The following FHOD3 variants were observed in gnomAD, a reference collection of about 807,000 sequenced individuals.
FHOD3 encodes the protein FH1/FH2 domain-containing protein 3.
In FHOD3, 90 loss-of-function variants were observed where a neutral mutation model predicts 173.0. That is an observed-to-expected ratio of 0.52 (90% confidence interval 0.44 to 0.62). FHOD3 has a LOEUF of 0.62. Among genes scored for constraint, FHOD3 ranks in the 20% least tolerant of loss-of-function variants. The probability of loss-of-function intolerance (pLI) is 0.00; values close to 1 mark genes in which losing one functional copy is unlikely to be tolerated. For missense variants in FHOD3, 1,945 were observed against 2,034.7 expected, an observed-to-expected ratio of 0.96 and a Z score of 0.85; for synonymous variants, 828 against 823.0, an observed-to-expected ratio of 1.01 and a Z score of -0.10.
rs372708672 is a variant in FHOD3, at chr18:36,742,891, C to T, written c.3879+35C>T. 7.5e-6 allele frequency: 12 copies of T among 1,593,390 alleles called. No individual in the cohort carries two copies. In the Admixed American group the frequency reaches 1.2e-4, roughly 17 times the overall value. ...CCCCATCCCTCATCCTGTAGCCCCCCCTTGTCACAAAATCCCTGCCCAGCA... is the reference window on the plus strand; with the variant it reads ...CCCCATCCCTCATCCTGTAGCCCCCTCTTGTCACAAAATCCCTGCCCAGCA... On this transcript the variant is annotated intron_variant, in intron 22 of 28. Coordinates refer to ENST00000590592, the MANE Select transcript of FHOD3 (RefSeq NM_001281740.3).
rs1014686522 is a variant in FHOD3, at chr18:36,318,550, T to C, written c.165+20550T>C. Among the ~76,000 whole-genome samples the C allele has an allele frequency of 2.6e-5, 4 of 152,362 alleles. No individual in the cohort carries two copies. In the East Asian group the frequency reaches 7.7e-4, roughly 29 times the overall value. On this transcript the variant is annotated intron_variant, in intron 1 of 28. Transcript: ENST00000590592. ...TTTGTCTATTGTTGGTGTATAGGAA[T>C]GCTTGTGAATTTTGCACATTGATTT...
chr18:36,405,811 A>C (rs2049027429), intron 3 of FHOD3, among the ~76,000 whole-genome samples: 1 of 152,212 alleles, frequency 6.6e-6, no homozygotes, highest in Non-Finnish European at 1.5e-5. Context: ...TGTAAGGTTC[A>C]TGTATACTGG....
intron 5 of FHOD3, among the ~76,000 whole-genome samples, chr18:36,548,596 C>T (rs1417110382): frequency 6.6e-6 from 1 of 152,182 alleles, no homozygotes; most frequent in Admixed American, 6.5e-5. Context: ...CCCAATGCCA[C>T]CCATCCCTTC....
intron 2 of FHOD3, among the ~76,000 whole-genome samples, chr18:36,372,368 G>C (rs1475140110): frequency 1.3e-5 from 2 of 152,130 alleles, no homozygotes; most frequent in Non-Finnish European, 2.9e-5. Context: ...TTCACTTCAT[G>C]GACACAGATT....
intron 24 of FHOD3, among the ~76,000 whole-genome samples, chr18:36,747,490 CTT>C (rs1450370498): frequency 1.3e-5 from 2 of 152,240 alleles, no homozygotes; most frequent in African/African-American, 4.8e-5. Context: ...AGGCAGCTCT[CTT>C]TGTTAGAAAA....
intron 1 of FHOD3, among the ~76,000 whole-genome samples, chr18:36,300,628 G>A (rs112603062): frequency 7.9e-5 from 12 of 152,160 alleles, no homozygotes; most frequent in East Asian, 1.9e-4. Context: ...TGCAGCGAGC[G>A]CATTCTCAGT....
chr18:36,496,355 C>A (rs1380627036), intron 3 of FHOD3, among the ~76,000 whole-genome samples: 1 of 152,160 alleles, frequency 6.6e-6, no homozygotes, highest in Non-Finnish European at 1.5e-5. Context: ...CCTCTTCTAC[C>A]AGCAGAAATT....
intron 3 of FHOD3, among the ~76,000 whole-genome samples, chr18:36,404,716 G>A (rs1313115395): frequency 6.6e-6 from 1 of 152,132 alleles, no homozygotes; most frequent in Non-Finnish European, 1.5e-5. Context: ...GGGGCTCAAG[G>A]GAAATGCACT....
chr18:36,533,216 A>T (rs1213645285), intron 5 of FHOD3, among the ~76,000 whole-genome samples: 1 of 152,266 alleles, frequency 6.6e-6, no homozygotes, highest in Non-Finnish European at 1.5e-5. Context: ...CTCATCTGCA[A>T]ACCAGGCATG....
intron 16 of FHOD3, among the ~76,000 whole-genome samples, chr18:36,691,592 G>C (rs866885848): frequency 6.6e-6 from 1 of 151,868 alleles, no homozygotes; most frequent in East Asian, 1.9e-4. Context: ...TCCTTTTGTT[G>C]CCTCTCTTAC....
Position 36,297,799 on chromosome 18 carries a change from AACCC to A in FHOD3, c.-36_-33del. 6.8e-7 allele frequency: 1 copy of A among 1,470,468 alleles called. No homozygotes were observed. Among genetic ancestry groups the A allele is most frequent in the Non-Finnish European group, 9.0e-7 (1 of 1,106,230 alleles). The allele number at this position is 1,470,468 out of a possible 1,614,324, so 91.1% of individuals were successfully genotyped here. A position where few individuals can be genotyped will look rare whatever the true frequency, so the allele number is the denominator to read the frequency against. On this transcript the variant is annotated 5_prime_UTR_variant, in exon 1 of 29. Transcript: ENST00000590592. ...GGGCGTCCCGGCCCGCGGCCCCGCT[AACCC>A]CGGGGCCCGCGCCCCCGCGGCAGGG...
chr18:36,626,308 T>G (rs1293492796), intron 10 of FHOD3, among the ~76,000 whole-genome samples: 1 of 152,224 alleles, frequency 6.6e-6, no homozygotes, highest in Non-Finnish European at 1.5e-5. Context: ...GCCATGAAGA[T>G]ACATAAATAG....
At chr18:36,486,741 T>C (rs914327850) in intron 3 of FHOD3, among the ~76,000 whole-genome samples, 2 of 152,232 alleles carry the variant, frequency 1.3e-5, no homozygotes, top group Non-Finnish European at 2.9e-5. Flanking sequence ...GTTCACCTTT[T>C]GACAACTATA....
At chr18:36,512,136 G>C (rs1163358688) in intron 4 of FHOD3, among the ~76,000 whole-genome samples, 1 of 152,222 alleles carries the variant, frequency 6.6e-6, no homozygotes, top group Admixed American at 6.5e-5. Flanking sequence ...AGTAGAGCCT[G>C]GTGTTTCTTG....
intron 6 of FHOD3, among the ~76,000 whole-genome samples, chr18:36,579,000 T>C (rs1195674661): frequency 6.6e-6 from 1 of 152,210 alleles, no homozygotes; most frequent in Non-Finnish European, 1.5e-5. Context: ...GTGACTCTGT[T>C]TTGAAACTGA....
rs894865057 is a variant in FHOD3 at position 36,297,911 on chromosome 18, A to C, written c.76A>C (p.Ser26Arg). ...CAACAGCACCAACTTCCCCGAGCCC[A>C]GCCGGCCGCCGCTGTTCACGTTCCG... ...PFNSTNFPEP[S>R]RPPLFTFRED... The change falls in exon 1 of 29, where the codon AGC becomes CGC. Residue 26 changes from serine to arginine, a missense_variant. Transcript: ENST00000590592. 4 of 1,559,180 alleles carry C rather than the reference A, an allele frequency of 2.6e-6. No individual in the cohort carries two copies. Among genetic ancestry groups the C allele is most frequent in the Non-Finnish European group, 3.5e-6 (4 of 1,153,234 alleles).
At chr18:36,316,837 A>T (rs1301998540) in intron 1 of FHOD3, among the ~76,000 whole-genome samples, 2 of 152,056 alleles carry the variant, frequency 1.3e-5, no homozygotes, top group African/African-American at 4.8e-5. Context: ...CTCATCATTT[A>T]CATTAGGTAT....
chr18:36,479,524 T>G (rs1370712327), intron 3 of FHOD3, among the ~76,000 whole-genome samples: 1 of 152,190 alleles, frequency 6.6e-6, no homozygotes, highest in East Asian at 1.9e-4. Context: ...GTAATTGCCT[T>G]GCATCTGTCC....
At chr18:36,515,521 C>T (rs889782593) in intron 5 of FHOD3, among the ~76,000 whole-genome samples, 9 of 152,174 alleles carry the variant, frequency 5.9e-5, no homozygotes, top group African/African-American at 1.7e-4. Context: ...CCGGCCACAG[C>T]CATTTATTTT....
Sources: gnomAD v4.1 joint callset for allele counts (sites outside exome capture counted in the v4.1 genomes callset) on GRCh38, gnomAD v4.1.1 for gene constraint, MANE v1.5 for transcripts, NCBI Gene and HGNC (gene_info 2026-07-23, HGNC 2026-07-21) for gene names.